The following KCNIP4 variants were observed in gnomAD, a reference collection of about 807,000 sequenced individuals.
KCNIP4 encodes potassium voltage-gated channel interacting protein 4, also known as Kv channel-interacting protein 4.
In KCNIP4, 12 loss-of-function variants were observed where a neutral mutation model predicts 34.0. That is an observed-to-expected ratio of 0.35 (90% CI 0.23 to 0.57). The LOEUF is 0.57. KCNIP4 is among the 20% of genes least tolerant of loss of function. KCNIP4 has a pLI of 0.83. For missense variants in KCNIP4, 238 were observed against 311.7 expected, an observed-to-expected ratio of 0.76 and a Z score of 1.78; for synonymous variants, 124 against 102.2, an observed-to-expected ratio of 1.21 and a Z score of -1.29.
At chr4:21,063,073 A>G (rs1481009427) in intron 1 of KCNIP4, among the ~76,000 whole-genome samples, 1 of 152,138 alleles carries the variant, frequency 6.6e-6, no homozygotes, top group African/African-American at 2.4e-5. Flanking sequence ...AAAGACAAGC[A>G]TATAGGGAAG....
At chr4:21,186,393 T>C (rs1381118634) in intron 1 of KCNIP4, among the ~76,000 whole-genome samples, 1 of 152,100 alleles carries the variant, frequency 6.6e-6, no homozygotes, top group African/African-American at 2.4e-5. Context: ...GTCTGTAAAG[T>C]CCTCTTATTC....
At chr4:20,936,194 C>T (rs935497159) in intron 1 of KCNIP4, among the ~76,000 whole-genome samples, 1 of 151,954 alleles carries the variant, frequency 6.6e-6, no homozygotes, top group Non-Finnish European at 1.5e-5. Context: ...TCATAGAAGA[C>T]AAAGTGGTGG....
chr4:21,786,918 A>T (rs73104098), intron 1 of KCNIP4, among the ~76,000 whole-genome samples: 17,378 of 152,064 alleles, frequency 0.11, 2,975 homozygotes, highest in African/African-American at 0.37. Context: ...TCGAGAATAA[A>T]GGTTATGTCT....
chr4:20,892,555 T>C (rs1397014950), intron 1 of KCNIP4, among the ~76,000 whole-genome samples: 1 of 152,198 alleles, frequency 6.6e-6, no homozygotes, highest in African/African-American at 2.4e-5. Context: ...TTCTGCTCTG[T>C]TTCTGTCTCT....
chr4:21,936,845 C>T (rs1729888680), intron 1 of KCNIP4, among the ~76,000 whole-genome samples: 2 of 152,034 alleles, frequency 1.3e-5, no homozygotes, highest in Admixed American at 6.6e-5. Flanking sequence ...TTCTACATGC[C>T]AGTCACTGAC....
chr4:21,058,147 T>G (rs1378119519), intron 1 of KCNIP4, among the ~76,000 whole-genome samples: 1 of 152,118 alleles, frequency 6.6e-6, no homozygotes, highest in Non-Finnish European at 1.5e-5. Flanking sequence ...GGGTTTCTTC[T>G]CTCTCTGATT....
chr4:21,351,924 G>T (rs144608000), intron 1 of KCNIP4, among the ~76,000 whole-genome samples: 227 of 152,210 alleles, frequency 1.5e-3, no homozygotes, highest in African/African-American at 5.3e-3. Context: ...TAGCAAACTA[G>T]CATACTAATG....
chr4:21,788,796 C>A (rs1445883796), intron 1 of KCNIP4, among the ~76,000 whole-genome samples: 2 of 152,034 alleles, frequency 1.3e-5, no homozygotes, highest in East Asian at 3.9e-4. Context: ...TCTAGCTGGC[C>A]GGTTGTGGTG....
intron 1 of KCNIP4, among the ~76,000 whole-genome samples, chr4:20,923,730 C>T (rs1317442684): frequency 6.6e-6 from 1 of 152,082 alleles, no homozygotes; most frequent in Non-Finnish European, 1.5e-5. Flanking sequence ...CGATTTAAGC[C>T]TTCTTGTTTG....
chr4:20,825,966 A>G (rs573666887), intron 3 of KCNIP4, among the ~76,000 whole-genome samples: 3 of 152,302 alleles, frequency 2.0e-5, no homozygotes, highest in African/African-American at 7.2e-5. Flanking sequence ...TAAATACTAA[A>G]AAGTTTCCAT....
intron 1 of KCNIP4, among the ~76,000 whole-genome samples, chr4:21,519,365 C>CGTATATGTATGTGTATATAT (rs1735070862): frequency 1.3e-4 from 20 of 150,002 alleles, no homozygotes; most frequent in African/African-American, 4.7e-4. Flanking sequence ...CACACACACA[C>CGTATATGTATGTGTATATAT]ACACACACGT....
chr4:21,293,004 G>A (rs1472940659), intron 1 of KCNIP4, among the ~76,000 whole-genome samples: 1 of 152,124 alleles, frequency 6.6e-6, no homozygotes, highest in Non-Finnish European at 1.5e-5. Flanking sequence ...TGTCCTAAAC[G>A]GGGAGGAGGA....
chr4:21,383,138 C>T (rs1401056236), intron 1 of KCNIP4, among the ~76,000 whole-genome samples: 2 of 152,128 alleles, frequency 1.3e-5, no homozygotes, highest in African/African-American at 2.4e-5. Flanking sequence ...AGAAGTCGGC[C>T]ATCTGCAAGC....
chr4:20,733,588 G>T (rs969947885), intron 6 of KCNIP4, among the ~76,000 whole-genome samples: 17 of 152,152 alleles, frequency 1.1e-4, no homozygotes, highest in Admixed American at 1.1e-3. Context: ...TAGATAAGTA[G>T]CAAGTAGTTT....
intron 1 of KCNIP4, among the ~76,000 whole-genome samples, chr4:21,816,875 A>G (rs1722020973): frequency 1.3e-5 from 2 of 152,160 alleles, no homozygotes; most frequent in South Asian, 4.1e-4. Flanking sequence ...ACCTTGAGCA[A>G]TGTGCTTGAC....
At chr4:21,535,858 T>C (rs1268726883) in intron 1 of KCNIP4, among the ~76,000 whole-genome samples, 2 of 152,160 alleles carry the variant, frequency 1.3e-5, no homozygotes, top group African/African-American at 4.8e-5. Context: ...CAACAATCCC[T>C]AAAGGGCTTT....
chr4:20,829,830 C>T (rs1303920244), intron 3 of KCNIP4, among the ~76,000 whole-genome samples: 1 of 152,100 alleles, frequency 6.6e-6, no homozygotes, highest in African/African-American at 2.4e-5. Flanking sequence ...TCGGTGATCT[C>T]ATCCAGTCTC....
At chr4:21,394,069 G>C (rs1722769954) in intron 1 of KCNIP4, among the ~76,000 whole-genome samples, 1 of 151,968 alleles carries the variant, frequency 6.6e-6, no homozygotes, top group African/African-American at 2.4e-5. Context: ...CTACTTTTTT[G>C]TTAATCTACT....
chr4:21,175,949 C>G (rs1353359345), intron 1 of KCNIP4, among the ~76,000 whole-genome samples: 1 of 151,764 alleles, frequency 6.6e-6, no homozygotes, highest in African/African-American at 2.4e-5. Flanking sequence ...GTTTAAAACT[C>G]CCATTTGTTT....
Sources: gnomAD v4.1 joint callset for allele counts (sites outside exome capture counted in the v4.1 genomes callset) on GRCh38, gnomAD v4.1.1 for gene constraint, MANE v1.5 for transcripts, NCBI Gene and HGNC (gene_info 2026-07-23, HGNC 2026-07-21) for gene names.